The following COPS2 variants were observed in gnomAD, a reference collection of about 807,000 sequenced individuals.
COPS2 encodes the protein COP9 signalosome subunit 2, also known as COP9 signalosome complex subunit 2.
COPS2 carries 10 observed loss-of-function variants against 66.1 expected under a neutral mutation model. That is an observed-to-expected ratio of 0.15 (90% CI 0.09 to 0.26). The LOEUF (loss-of-function observed/expected upper bound fraction) is 0.26, where lower values mean the gene tolerates loss of function less well. Ranked by LOEUF, COPS2 falls within the 10% of genes least tolerant of loss-of-function variation. The pLI is 1.00. For synonymous variants in COPS2, 179 were observed against 171.3 expected, an observed-to-expected ratio of 1.04 and a Z score of -0.35; for missense variants, 215 against 513.3, an observed-to-expected ratio of 0.42 and a Z score of 5.62.
chr15:49,144,862 G>A (rs1406426932), intron 2 of COPS2, 103 bp downstream of exon 2: 39 of 622,316 alleles, frequency 6.3e-5, no homozygotes, highest in Non-Finnish European at 5.5e-6. Context: ...GGATAATTAA[G>A]TATTCAAAAC....
In COPS2 at chr15:49,126,971, G is replaced by T. The variant is rs2084171653; in HGVS notation, c.*979C>A. 1 of 152,080 alleles carries T rather than the reference G, an allele frequency of 6.6e-6. No individual in the cohort carries two copies. The highest frequency in any genetic ancestry group is 1.5e-5 in the Non-Finnish European group (1 of 67,972). 9.4% of individuals were successfully genotyped at this position (152,080 alleles called of 1,614,324 possible). A position where few individuals can be genotyped will look rare whatever the true frequency, so the allele number is the denominator to read the frequency against. ...GGTTTTGGGCAATGGTAGATTGCTG[G>T]CATTAGGAAATAACCTTCCAGCATG... On this transcript the variant is annotated 3_prime_UTR_variant, in exon 13 of 13. Transcript: ENST00000388901.
intron 9 of COPS2, among the ~76,000 whole-genome samples, chr15:49,132,618 A>AT (rs2084219912): frequency 6.7e-6 from 1 of 149,404 alleles, no homozygotes; most frequent in African/African-American, 2.4e-5. Context: ...CCCTAACTAC[A>AT]TTTTTCCAGC....
rs1481415785 is a variant in COPS2 at position 49,126,620 on chromosome 15, C to T, written c.*1330G>A. ...AACTTTTTAAAAAATGAAACAAATA[C>T]ATCCAAAACTCAATACATTCAAATG... On this transcript the variant is annotated 3_prime_UTR_variant, in exon 13 of 13. Transcript: ENST00000388901. The T allele has an allele frequency of 6.6e-6, 1 of 152,244 alleles. No individual in the cohort carries two copies. The highest frequency in any genetic ancestry group is 1.5e-5 in the Non-Finnish European group (1 of 67,940). The allele number at this position is 152,244 out of a possible 1,614,324, so 9.4% of individuals were successfully genotyped here. A position where few individuals can be genotyped will look rare whatever the true frequency, so the allele number is the denominator to read the frequency against.
intron 9 of COPS2, 131 bp downstream of exon 9, chr15:49,133,628 T>C (rs999873034): frequency 4.9e-6 from 3 of 606,446 alleles, no homozygotes; most frequent in Admixed American, 3.5e-5. Context: ...AGATAAAAAT[T>C]CTACAAACTT....
rs1198333193 is a variant in COPS2 at position 49,125,586 on chromosome 15, T to C, written c.*2364A>G. On this transcript the variant is annotated 3_prime_UTR_variant, in exon 13 of 13. Coordinates refer to ENST00000388901, the MANE Select transcript of COPS2 (RefSeq NM_004236.4). ...TAAGCAATCTCTAAGATTTCAACTC[T>C]ACAATATTTGATGCACAAAAACACA... 4.6e-5 allele frequency: 7 copies of C among 152,140 alleles called. No homozygotes were observed. The highest frequency in any genetic ancestry group is 1.7e-4 in the African/African-American group (7 of 41,460). The allele number at this position is 152,140 out of a possible 1,614,324, so 9.4% of individuals were successfully genotyped here. A position where few individuals can be genotyped will look rare whatever the true frequency, so the allele number is the denominator to read the frequency against.
At chr15:49,151,236 A>C (rs1036279748) in intron 1 of COPS2, among the ~76,000 whole-genome samples, 1 of 151,982 alleles carries the variant, frequency 6.6e-6, no homozygotes, top group Non-Finnish European at 1.5e-5. Context: ...CCCTGTCTCT[A>C]CTAAAATATA....
chr15:49,139,392 T>C (rs1225275085), intron 4 of COPS2, 136 bp downstream of exon 4: 1 of 684,890 alleles, frequency 1.5e-6, no homozygotes, highest in African/African-American at 1.8e-5. Flanking sequence ...ATAGTACTTA[T>C]CATTTTTAAA....
At chr15:49,133,640 T>C in intron 9 of COPS2, 119 bp downstream of exon 9, 1 of 637,448 alleles carries the variant, frequency 1.6e-6, no homozygotes. Context: ...TACAAACTTT[T>C]CTAAGAAAAT....
rs76285623 is a variant in COPS2 at position 49,149,654 on chromosome 15, T to C, written c.55-4576A>G. ...CAGAGCAGCCAGGGTCAATTTTGAC[T>C]ATATCTGGAATGTCGCTACTGCTGA... On this transcript the variant is annotated intron_variant, in intron 1 of 12. Coordinates refer to ENST00000388901, the MANE Select transcript of COPS2 (RefSeq NM_004236.4). Among the ~76,000 whole-genome samples, 229 of 152,348 alleles carry C rather than the reference T, an allele frequency of 1.5e-3. 3 individuals are homozygous for C. Among genetic ancestry groups the C allele is most frequent in the Admixed American group, 9.1e-3 (139 of 15,302 alleles).
chr15:49,147,848 T>C (rs994657060), intron 1 of COPS2, among the ~76,000 whole-genome samples: 27 of 152,164 alleles, frequency 1.8e-4, no homozygotes, highest in African/African-American at 6.3e-4. Context: ...GCATGTATAA[T>C]GTTTTTGCAT....
intron 1 of COPS2, among the ~76,000 whole-genome samples, chr15:49,145,417 C>T (rs1347321845): frequency 6.6e-6 from 1 of 152,112 alleles, no homozygotes; most frequent in Non-Finnish European, 1.5e-5. Flanking sequence ...TTTCGTTAGT[C>T]ATGAAATCTG....
chr15:49,126,238 C>G lies in COPS2; in HGVS notation c.*1712G>C, dbSNP rs921240623. 2 of 152,186 alleles carry G rather than the reference C, an allele frequency of 1.3e-5. No individual in the cohort carries two copies. Among genetic ancestry groups the G allele is most frequent in the African/African-American group, 4.8e-5 (2 of 41,324 alleles). 9.4% of individuals were successfully genotyped at this position (152,186 alleles called of 1,614,324 possible). A position where few individuals can be genotyped will look rare whatever the true frequency, so the allele number is the denominator to read the frequency against. On this transcript the variant is annotated 3_prime_UTR_variant, in exon 13 of 13. Coordinates refer to ENST00000388901, the MANE Select transcript of COPS2 (RefSeq NM_004236.4). ...GACATTTTGTCTTTTGTTTTCTTTC[C>G]GTTTTCTACAATTTCCAACTTGTAC...
chr15:49,155,594 G>A lies in COPS2; in HGVS notation c.-16C>T, dbSNP rs760265463. On this transcript the variant is annotated 5_prime_UTR_variant, in exon 1 of 13. Coordinates refer to ENST00000388901, the MANE Select transcript of COPS2 (RefSeq NM_004236.4). ...TGTCAGACATCTTGGCCGGGAGGGG[G>A]AGGAGAAATTGGAGACAACCTCCTC... 1.4e-5 allele frequency: 22 copies of A among 1,613,624 alleles called. No individual in the cohort carries two copies. Among genetic ancestry groups the A allele is most frequent in the Non-Finnish European group, 1.7e-5 (20 of 1,179,678 alleles).
At chr15:49,147,725 CAAAAAAAAA>C (rs34315247) in intron 1 of COPS2, among the ~76,000 whole-genome samples, 1 of 94,832 alleles carries the variant, frequency 1.1e-5, no homozygotes, top group Non-Finnish European at 2.0e-5. Context: ...GTTACAACTC[CAAAAAAAAA>C]AAAAAAAAAA....
At chr15:49,136,970 G>A (rs1176487484) in intron 6 of COPS2, among the ~76,000 whole-genome samples, 180 bp downstream of exon 6, 1 of 151,088 alleles carries the variant, frequency 6.6e-6, no homozygotes, top group Non-Finnish European at 1.5e-5. Flanking sequence ...CAGCCTGGGT[G>A]ACAGAGCCAT....
intron 6 of COPS2, among the ~76,000 whole-genome samples, chr15:49,134,834 A>T (rs1179999091): frequency 6.6e-6 from 1 of 152,184 alleles, no homozygotes; most frequent in Non-Finnish European, 1.5e-5. Context: ...GTTTTTTCCT[A>T]TATAGTAAGT....
chr15:49,155,406 C>T (rs1300445777), intron 1 of COPS2, 119 bp downstream of exon 1: 30 of 887,480 alleles, frequency 3.4e-5, no homozygotes, highest in Non-Finnish European at 4.6e-5. Context: ...GTCCTGTCAC[C>T]GCACTGAGAG....
rs976510695 is a variant in COPS2, at chr15:49,122,925, A to C, written c.*5025T>G. The C allele has an allele frequency of 4.6e-5, 7 of 152,196 alleles. No homozygotes were observed. Among genetic ancestry groups the C allele is most frequent in the Non-Finnish European group, 7.4e-5 (5 of 68,022 alleles). The allele number at this position is 152,196 out of a possible 1,614,324, so 9.4% of individuals were successfully genotyped here. A position where few individuals can be genotyped will look rare whatever the true frequency, so the allele number is the denominator to read the frequency against. ...ATCACCTACTACTTCCTTCCCACCT[A>C]GTGTTAGCTCAAGGAATTTGATACC... On this transcript the variant is annotated 3_prime_UTR_variant, in exon 13 of 13. Transcript: ENST00000388901.
chr15:49,155,472 C>G, intron 1 of COPS2, 53 bp downstream of exon 1: 2 of 1,586,076 alleles, frequency 1.3e-6, no homozygotes, highest in South Asian at 2.2e-5. Flanking sequence ...CCGGCCCGGA[C>G]CCCGAAAACA....
Sources: gnomAD v4.1 joint callset for allele counts (sites outside exome capture counted in the v4.1 genomes callset) on GRCh38, gnomAD v4.1.1 for gene constraint, MANE v1.5 for transcripts, NCBI Gene and HGNC (gene_info 2026-07-23, HGNC 2026-07-21) for gene names.